Variants in ZC3H12B observed in about 807,000 individuals in gnomAD.
The protein encoded by ZC3H12B is zinc finger CCCH-type containing 12B.
A neutral mutation model predicts 43.9 loss-of-function variants in ZC3H12B; 7 were observed. That is an observed-to-expected ratio of 0.16 (90% CI 0.09 to 0.30). ZC3H12B has a LOEUF of 0.30. Among genes scored for constraint, ZC3H12B ranks in the 10% least tolerant of loss-of-function variants. ZC3H12B has a pLI of 1.00. For missense variants in ZC3H12B, 475 were observed against 670.2 expected (o/e 0.71, Z 3.22); for synonymous variants, 222 against 241.7 (o/e 0.92, Z 0.76).
chrX:65,160,588 C>T, the ZC3H12B span, among the ~76,000 whole-genome samples: 4 of 111,634 alleles, frequency 3.6e-5, no homozygotes, highest in African/African-American at 9.8e-5. Context: ...GTTTGTATTT[C>T]TGTGGGATTG....
chrX:65,092,841 G>C, the ZC3H12B span, among the ~76,000 whole-genome samples: 1 of 112,252 alleles, frequency 8.9e-6, no homozygotes, highest in South Asian at 3.7e-4. Flanking sequence ...CTGGGGAGGA[G>C]TTCATGGCAG....
the ZC3H12B span, among the ~76,000 whole-genome samples, chrX:65,169,133 C>T: frequency 2.3e-3 from 258 of 111,443 alleles, 2 homozygotes; most frequent in African/African-American, 7.8e-3. Flanking sequence ...GTTAGGGTGT[C>T]AATTTTTGAT....
At chrX:65,477,728 G>A (rs1440078661) in intron 3 of ZC3H12B, among the ~76,000 whole-genome samples, 2 of 109,521 alleles carry the variant, frequency 1.8e-5, no homozygotes, top group Non-Finnish European at 3.8e-5. Flanking sequence ...TCATGCCATT[G>A]CACTCCAGCC....
intron 2 of ZC3H12B, among the ~76,000 whole-genome samples, chrX:65,372,262 T>C (rs188217397): frequency 8.9e-6 from 1 of 111,937 alleles, no homozygotes; most frequent in East Asian, 2.8e-4. Flanking sequence ...TGATATTAGA[T>C]GATGAGACTA....
upstream of ZC3H12B, among the ~76,000 whole-genome samples, chrX:65,361,822 CAAT>C (rs2066107375): frequency 9.0e-6 from 1 of 111,442 alleles, no homozygotes; most frequent in Non-Finnish European, 1.9e-5. Flanking sequence ...TCAAGGTGTA[CAAT>C]AATACAGTAG....
the ZC3H12B span, among the ~76,000 whole-genome samples, chrX:65,177,490 T>A: frequency 8.9e-6 from 1 of 112,116 alleles, no homozygotes; most frequent in Non-Finnish European, 1.9e-5. Flanking sequence ...AGTCAAATTG[T>A]CTCTGTTTGC....
chrX:65,387,836 G>A (rs1270645113), intron 2 of ZC3H12B, among the ~76,000 whole-genome samples: 1 of 112,369 alleles, frequency 8.9e-6, no homozygotes, highest in East Asian at 2.8e-4. Flanking sequence ...GGCAGGCCTG[G>A]TGGTGACAAA....
At chrX:65,234,636 A>T in the ZC3H12B span, among the ~76,000 whole-genome samples, 1 of 112,520 alleles carries the variant, frequency 8.9e-6, no homozygotes, top group South Asian at 3.7e-4. Context: ...AAAGAATAAT[A>T]AAAAAAGAAG....
At chrX:65,141,336 TTTTAAA>T in the ZC3H12B span, among the ~76,000 whole-genome samples, 1 of 109,988 alleles carries the variant, frequency 9.1e-6, no homozygotes, top group African/African-American at 3.3e-5. Context: ...GTTGTTTACT[TTTTAAA>T]TTTAATTTAT....
the ZC3H12B span, among the ~76,000 whole-genome samples, chrX:65,140,861 T>C: frequency 8.9e-6 from 1 of 112,002 alleles, no homozygotes; most frequent in Non-Finnish European, 1.9e-5. Flanking sequence ...GGTACATAGT[T>C]GTTCTTAGTG....
chrX:65,142,536 A>G, the ZC3H12B span, among the ~76,000 whole-genome samples: 3 of 112,111 alleles, frequency 2.7e-5, no homozygotes, highest in Non-Finnish European at 5.6e-5. Context: ...TGTTTTTATT[A>G]CATTTGCTTT....
the ZC3H12B span, among the ~76,000 whole-genome samples, chrX:65,235,199 G>C: frequency 9.0e-6 from 1 of 110,747 alleles, no homozygotes; most frequent in East Asian, 2.8e-4. Context: ...TATTTCTTTG[G>C]GTATATACCC....
At chrX:65,458,102 G>C (rs1187596464) in intron 3 of ZC3H12B, among the ~76,000 whole-genome samples, 1 of 43,131 alleles carries the variant, frequency 2.3e-5, no homozygotes, top group Non-Finnish European at 4.5e-5. Flanking sequence ...AAAAAAAAAA[G>C]AGACAAAGAA....
chrX:65,366,754 C>T (rs1169763628), exon 1 of ZC3H12B: 1 of 112,111 alleles, frequency 8.9e-6, no homozygotes, highest in Non-Finnish European at 1.9e-5. Context: ...ATCCTGGTTA[C>T]ACAGGAAGGT....
At chrX:65,226,421 C>G in the ZC3H12B span, among the ~76,000 whole-genome samples, 1 of 111,622 alleles carries the variant, frequency 9.0e-6, no homozygotes, top group Non-Finnish European at 1.9e-5. Flanking sequence ...AAAATCATGC[C>G]AAATTGTAAA....
At chrX:65,358,157 T>C in the ZC3H12B span, among the ~76,000 whole-genome samples, 6 of 111,327 alleles carry the variant, frequency 5.4e-5, no homozygotes, top group Admixed American at 5.7e-4. Flanking sequence ...CCATCCTAAA[T>C]ATATATGCAC....
At chrX:65,319,239 G>A in the ZC3H12B span, among the ~76,000 whole-genome samples, 1 of 110,916 alleles carries the variant, frequency 9.0e-6, no homozygotes, top group East Asian at 2.8e-4. Context: ...AATGACAAAG[G>A]GGATATTACC....
chrX:65,064,102 A>G, the ZC3H12B span, among the ~76,000 whole-genome samples: 1 of 111,898 alleles, frequency 8.9e-6, no homozygotes, highest in Non-Finnish European at 1.9e-5. Context: ...TCAAAAAACC[A>G]GCTTCTGGAT....
At chrX:65,317,143 A>G in the ZC3H12B span, among the ~76,000 whole-genome samples, 1 of 111,160 alleles carries the variant, frequency 9.0e-6, no homozygotes, top group African/African-American at 3.3e-5. Flanking sequence ...AGATTTATAT[A>G]GCAAGCTTTT....
Sources: gnomAD v4.1 joint callset for allele counts (sites outside exome capture counted in the v4.1 genomes callset) on GRCh38, gnomAD v4.1.1 for gene constraint, MANE v1.5 for transcripts, NCBI Gene and HGNC (gene_info 2026-07-23, HGNC 2026-07-21) for gene names.